The following GRM1 variants were observed in gnomAD, a reference collection of about 807,000 sequenced individuals.
GRM1 encodes glutamate metabotropic receptor 1, also known as metabotropic glutamate receptor 1.
In GRM1, 33 loss-of-function variants were observed where a neutral mutation model predicts 90.9. The ratio of observed to expected loss-of-function variants is 0.36; its 90% CI spans 0.28 to 0.49. The LOEUF (loss-of-function observed/expected upper bound fraction) is 0.49. Ranked by LOEUF, GRM1 falls within the 20% of genes least tolerant of loss-of-function variation. The pLI is 0.99. For synonymous variants in GRM1, 700 were observed against 613.2 expected (o/e 1.14, Z -2.09); for missense variants, 1,190 against 1,534.3 (o/e 0.78, Z 3.75).
chr6:146,268,779 A>G (rs1295763114), intron 2 of GRM1, among the ~76,000 whole-genome samples: 2 of 152,240 alleles, frequency 1.3e-5, no homozygotes, highest in Admixed American at 1.3e-4. Context: ...AAATTTTTAT[A>G]GAACCACAAA....
intron 2 of GRM1, among the ~76,000 whole-genome samples, chr6:146,174,511 G>T (rs1349139516): frequency 1.3e-5 from 2 of 152,184 alleles, no homozygotes; most frequent in African/African-American, 2.4e-5. Flanking sequence ...TGTGTAGTTT[G>T]CTGGTATGTT....
chr6:146,133,016 G>A (rs750387154), intron 1 of GRM1, among the ~76,000 whole-genome samples: 39 of 152,182 alleles, frequency 2.6e-4, no homozygotes, highest in Non-Finnish European at 5.0e-4. Flanking sequence ...GAAAACTGAA[G>A]ACTAAAGAGT....
intron 3 of GRM1, among the ~76,000 whole-genome samples, chr6:146,349,428 C>T (rs1261944059): frequency 6.6e-6 from 1 of 151,938 alleles, no homozygotes; most frequent in African/African-American, 2.4e-5. Flanking sequence ...ACTTTAAATG[C>T]TCTTTCCCAA....
At chr6:146,098,601 A>G (rs937740990) in intron 1 of GRM1, among the ~76,000 whole-genome samples, 1 of 152,044 alleles carries the variant, frequency 6.6e-6, no homozygotes, top group African/African-American at 2.4e-5. Context: ...TCCTACTATT[A>G]CCTAAAGTTA....
intron 5 of GRM1, among the ~76,000 whole-genome samples, chr6:146,383,647 C>G (rs1776398796): frequency 6.6e-6 from 1 of 152,030 alleles, no homozygotes; most frequent in Admixed American, 6.6e-5. Flanking sequence ...AATATTCTGT[C>G]ATTTAATCTT....
intron 1 of GRM1, among the ~76,000 whole-genome samples, chr6:146,073,466 A>T (rs1213821608): frequency 6.6e-6 from 1 of 152,162 alleles, no homozygotes; most frequent in East Asian, 1.9e-4. Context: ...AACTTGTTAA[A>T]CTTTACTTTT....
chr6:146,212,721 C>G (rs1779721916), intron 2 of GRM1, among the ~76,000 whole-genome samples: 1 of 152,130 alleles, frequency 6.6e-6, no homozygotes, highest in South Asian at 2.1e-4. Flanking sequence ...CCTACAAACT[C>G]AGTTCAAAGA....
chr6:146,260,085 G>A (rs566061739), intron 2 of GRM1, among the ~76,000 whole-genome samples: 2 of 151,678 alleles, frequency 1.3e-5, no homozygotes, highest in South Asian at 2.1e-4. Context: ...AGGTATACAT[G>A]TGCCCTGATG....
At chr6:146,028,513 C>T (rs1390046442), upstream of GRM1, among the ~76,000 whole-genome samples, 1 of 151,696 alleles carries the variant, frequency 6.6e-6, no homozygotes, top group Non-Finnish European at 1.5e-5. Flanking sequence ...GCAGGACCCC[C>T]CCTAACCCGT....
chr6:146,220,975 G>A (rs571811561), intron 2 of GRM1, among the ~76,000 whole-genome samples: 14 of 152,060 alleles, frequency 9.2e-5, no homozygotes, highest in Admixed American at 7.9e-4. Flanking sequence ...GGTGAGAGAC[G>A]ACCACAGAGA....
intron 2 of GRM1, among the ~76,000 whole-genome samples, chr6:146,169,131 C>A (rs1446021127): frequency 1.3e-5 from 2 of 151,844 alleles, no homozygotes; most frequent in Non-Finnish European, 2.9e-5. Context: ...CCACTTTTTT[C>A]TTTTACATTT....
intron 7 of GRM1, among the ~76,000 whole-genome samples, chr6:146,427,039 A>G (rs1360885164): frequency 6.6e-6 from 1 of 151,990 alleles, no homozygotes; most frequent in Non-Finnish European, 1.5e-5. Flanking sequence ...GTTTGAAATG[A>G]TGCTGTCTGC....
intron 2 of GRM1, among the ~76,000 whole-genome samples, chr6:146,298,237 C>G (rs1284233533): frequency 6.6e-6 from 1 of 152,186 alleles, no homozygotes; most frequent in African/African-American, 2.4e-5. Flanking sequence ...GGCTGAGGGT[C>G]AGACTATCTA....
At chr6:146,150,499 A>G (rs1193894598) in intron 1 of GRM1, among the ~76,000 whole-genome samples, 1 of 152,210 alleles carries the variant, frequency 6.6e-6, no homozygotes, top group East Asian at 1.9e-4. Context: ...ACAATGTGCA[A>G]TGCTCAAATC....
At chr6:146,267,702 G>GCTCGGCTCGT (rs1781965440) in intron 2 of GRM1, among the ~76,000 whole-genome samples, 261 of 86,092 alleles carry the variant, frequency 3.0e-3, no homozygotes, top group Non-Finnish European at 4.0e-3. Context: ...GCTCGGCTCG[G>GCTCGGCTCGT]CTCGTCTCGT....
intron 2 of GRM1, among the ~76,000 whole-genome samples, chr6:146,272,063 A>T (rs1339611026): frequency 1.3e-5 from 2 of 152,194 alleles, no homozygotes; most frequent in Non-Finnish European, 2.9e-5. Context: ...GTCCAGATAC[A>T]CAGTAGAGTT....
At chr6:146,345,597 G>T (rs1028095539) in intron 3 of GRM1, among the ~76,000 whole-genome samples, 2 of 152,160 alleles carry the variant, frequency 1.3e-5, no homozygotes, top group Non-Finnish European at 2.9e-5. Context: ...ACATACCATT[G>T]CTTGGGATTC....
chr6:146,413,005 GCTC>G (rs1192363022), intron 7 of GRM1, among the ~76,000 whole-genome samples: 1 of 151,944 alleles, frequency 6.6e-6, no homozygotes, highest in South Asian at 2.1e-4. Flanking sequence ...TATGATGATG[GCTC>G]CCTAGTTATT....
rs770429341 is a variant in GRM1, at chr6:146,434,358, C to T, written c.3147C>T (p.His1049=). Reference sequence around the variant, plus strand: ...TCAGTACCGCGATCCCGGATTTTCACGCGGTGCTGGCAGGCCCCGGTGGTC... The same window carrying T: ...TCAGTACCGCGATCCCGGATTTTCATGCGGTGCTGGCAGGCCCCGGTGGTC... ...SNFSTAIPDF[H]AVLAGPGGPG... The change falls in exon 8 of 8, where the codon CAC becomes CAT. Residue 1049 remains histidine, a synonymous_variant. Coordinates refer to ENST00000282753, the MANE Select transcript of GRM1 (RefSeq NM_001278064.2). 1.9e-6 allele frequency: 3 copies of T among 1,612,582 alleles called. No homozygotes were observed. Among genetic ancestry groups the T allele is most frequent in the Non-Finnish European group, 1.7e-6 (2 of 1,178,956 alleles).
Sources: allele counts gnomAD v4.1 joint callset (sites outside exome capture counted in the v4.1 genomes callset), GRCh38; gene constraint gnomAD v4.1.1; transcripts MANE v1.5; gene names NCBI Gene and HGNC (gene_info 2026-07-23, HGNC 2026-07-21).